SPTSSA: variants seen among roughly 807,000 people sequenced by gnomAD.
The protein encoded by SPTSSA is serine palmitoyltransferase small subunit A.
In SPTSSA, 8 loss-of-function variants were observed where a neutral mutation model predicts 9.1. The ratio of observed to expected loss-of-function variants is 0.88; its 90% CI spans 0.51 to 1.58. The LOEUF (loss-of-function observed/expected upper bound fraction) is 1.58. Among genes scored for constraint, SPTSSA ranks in the 40% most tolerant of loss-of-function variants. The pLI, the probability that SPTSSA is intolerant of heterozygous loss-of-function variation, is 0.00. For synonymous variants in SPTSSA, 42 were observed against 37.7 expected, an observed-to-expected ratio of 1.11 and a Z score of -0.41; for missense variants, 100 against 93.8, an observed-to-expected ratio of 1.07 and a Z score of -0.27.
At chr14:34,441,637 T>C (rs1883317820) in intron 1 of SPTSSA, among the ~76,000 whole-genome samples, 1 of 152,106 alleles carries the variant, frequency 6.6e-6, no homozygotes, top group Admixed American at 6.5e-5. Flanking sequence ...TCTCCTTTTC[T>C]TTTCTGCTCC....
intron 1 of SPTSSA, among the ~76,000 whole-genome samples, chr14:34,438,145 T>TA (rs1594616678): frequency 6.6e-6 from 1 of 152,108 alleles, no homozygotes; most frequent in South Asian, 2.1e-4. Flanking sequence ...TCAATTTTGT[T>TA]ACTTGCGGCT....
intron 1 of SPTSSA, among the ~76,000 whole-genome samples, chr14:34,455,513 A>G (rs1191506014): frequency 6.6e-6 from 1 of 152,228 alleles, no homozygotes; most frequent in Non-Finnish European, 1.5e-5. Context: ...AGACTGTGTC[A>G]CCAACTACCT....
chr14:34,441,943 T>A (rs1883323446), intron 1 of SPTSSA, among the ~76,000 whole-genome samples: 1 of 152,060 alleles, frequency 6.6e-6, no homozygotes, highest in Non-Finnish European at 1.5e-5. Flanking sequence ...TGGCACAATC[T>A]CAGCTCACTG....
rs145073633 is a variant in SPTSSA, at chr14:34,455,001, T to A, written c.112+7095A>T. On this transcript the variant is annotated intron_variant, in intron 1 of 1. Transcript: ENST00000298130. Reference sequence around the variant, plus strand: ...ACTCGTGAGGCTGAGGCAGGAGAATTGCTTGAACCCAGGAGGCGGAGGCTA... The same window carrying A: ...ACTCGTGAGGCTGAGGCAGGAGAATAGCTTGAACCCAGGAGGCGGAGGCTA... Among the ~76,000 whole-genome samples, 415 of 144,542 alleles carry A rather than the reference T, an allele frequency of 2.9e-3. 4 individuals are homozygous for A. Among genetic ancestry groups the A allele is most frequent in the African/African-American group, 0.011 (407 of 38,700 alleles). 94.8% of individuals were successfully genotyped at this position (144,542 alleles called of 152,430 possible). A position where few individuals can be genotyped will look rare whatever the true frequency, so the allele number is the denominator to read the frequency against.
chr14:34,443,550 T>TGTGTGTGTGTGTGTGTGTG (rs1555314418), intron 1 of SPTSSA, among the ~76,000 whole-genome samples: 17 of 91,034 alleles, frequency 1.9e-4, no homozygotes, highest in Admixed American at 3.6e-4. Flanking sequence ...TGTGTGTGTG[T>TGTGTGTGTGTGTGTGTGTG]TTTGAGATGG....
intron 1 of SPTSSA, among the ~76,000 whole-genome samples, chr14:34,459,746 A>C (rs1314556183): frequency 6.6e-6 from 1 of 152,090 alleles, no homozygotes; most frequent in South Asian, 2.1e-4. Flanking sequence ...GCGACATTAC[A>C]CTCCAGCCGG....
chr14:34,437,605 T>C (rs1200464307), intron 1 of SPTSSA, among the ~76,000 whole-genome samples: 1 of 152,166 alleles, frequency 6.6e-6, no homozygotes, highest in African/African-American at 2.4e-5. Context: ...TGCTCTCTCC[T>C]ACAATATGCA....
At chr14:34,456,127 TC>T (rs950833810) in intron 1 of SPTSSA, among the ~76,000 whole-genome samples, 30 of 150,782 alleles carry the variant, frequency 2.0e-4, no homozygotes, top group Admixed American at 9.9e-4. Flanking sequence ...ATCGAGACCA[TC>T]CGGCTAACAT....
intron 1 of SPTSSA, among the ~76,000 whole-genome samples, chr14:34,457,971 G>A (rs77662312): frequency 0.069 from 3,700 of 53,552 alleles, 179 homozygotes; most frequent in African/African-American, 0.2. Flanking sequence ...GACTGTCTCG[G>A]AAAAAAAAAA....
At chr14:34,438,062 C>A (rs933212710) in intron 1 of SPTSSA, among the ~76,000 whole-genome samples, 60 of 152,262 alleles carry the variant, frequency 3.9e-4, no homozygotes, top group African/African-American at 1.2e-3. Flanking sequence ...CTCAGCCCCC[C>A]AAAGTGCTGA....
chr14:34,433,093 G>A lies in SPTSSA; in HGVS notation c.*2108C>T, dbSNP rs1056514459. ...AGACCAGACATTTGCATCAGACAGT[G>A]AGCATAAACTTCTCTGATCACCTCT... On this transcript the variant is annotated 3_prime_UTR_variant, in exon 2 of 2. Coordinates refer to ENST00000298130, the MANE Select transcript of SPTSSA (RefSeq NM_138288.4). 2.6e-5 allele frequency: 4 copies of A among 152,152 alleles called. No individual in the cohort carries two copies. The highest frequency in any genetic ancestry group is 5.9e-5 in the Non-Finnish European group (4 of 68,032). 9.4% of individuals were successfully genotyped at this position (152,152 alleles called of 1,614,324 possible).
chr14:34,450,387 T>C lies in SPTSSA; in HGVS notation c.112+11709A>G, dbSNP rs570420001. Among the ~76,000 whole-genome samples, 20 of 152,282 alleles carry C rather than the reference T, an allele frequency of 1.3e-4. No individual in the cohort carries two copies. In the East Asian group the frequency reaches 3.7e-3, roughly 28 times the overall value. On this transcript the variant is annotated intron_variant, in intron 1 of 1. Transcript: ENST00000298130. ...ACGTTTCAGTACCACCTGTCAATCG[T>C]CCATAAAGCAATCTTCTGTTTCACA...
chr14:34,438,215 C>T (rs1183863202), intron 1 of SPTSSA, among the ~76,000 whole-genome samples: 1 of 152,154 alleles, frequency 6.6e-6, no homozygotes, highest in Non-Finnish European at 1.5e-5. Flanking sequence ...CCCATATTCC[C>T]TCATAACTTA....
In SPTSSA at chr14:34,462,209, C is replaced by G. The variant is rs1026743638; in HGVS notation, c.-2G>C. 2.0e-5 allele frequency: 30 copies of G among 1,524,726 alleles called. No individual in the cohort carries two copies. Among genetic ancestry groups the G allele is most frequent in the Non-Finnish European group, 2.7e-5 (30 of 1,130,682 alleles). The allele number at this position is 1,524,726 out of a possible 1,614,324, so 94.4% of individuals were successfully genotyped here. On this transcript the variant is annotated 5_prime_UTR_variant, in exon 1 of 2. Transcript: ENST00000298130. ...CCGCGCCAGCGCCATCCCCGCCATG[C>G]GCCTCCCGCGATGCAGCTCACACGT...
rs563933213 is a variant in SPTSSA, at chr14:34,440,676, G to A, written c.113-5372C>T. On this transcript the variant is annotated intron_variant, in intron 1 of 1. Coordinates refer to ENST00000298130, the MANE Select transcript of SPTSSA (RefSeq NM_138288.4). ...GCGGGTGGATCACCTGAGGTCGGGAGATCGAGACCAGCCTGGCCAACATGG... is the reference window on the plus strand; with the variant it reads ...GCGGGTGGATCACCTGAGGTCGGGAAATCGAGACCAGCCTGGCCAACATGG... Among the ~76,000 whole-genome samples, 295 of 152,264 alleles carry A rather than the reference G, an allele frequency of 1.9e-3. 3 individuals carry two copies. The highest frequency in any genetic ancestry group is 4.4e-4 in the Non-Finnish European group (30 of 68,014).
intron 1 of SPTSSA, among the ~76,000 whole-genome samples, chr14:34,455,163 G>A (rs1041346273): frequency 1.3e-5 from 2 of 151,810 alleles, no homozygotes; most frequent in Non-Finnish European, 2.9e-5. Flanking sequence ...CGAGGTGGGC[G>A]GATCACGAGG....
At chr14:34,438,953 T>C (rs1338310397) in intron 1 of SPTSSA, among the ~76,000 whole-genome samples, 2 of 152,182 alleles carry the variant, frequency 1.3e-5, no homozygotes, top group Admixed American at 6.5e-5. Context: ...CTTTCCGATC[T>C]AGCCCCAAAT....
chr14:34,452,249 A>T (rs950396615), intron 1 of SPTSSA, among the ~76,000 whole-genome samples: 2 of 87,904 alleles, frequency 2.3e-5, no homozygotes, highest in Non-Finnish European at 4.3e-5. Flanking sequence ...CAATCTCAAA[A>T]AAAAAAAAAA....
intron 1 of SPTSSA, among the ~76,000 whole-genome samples, chr14:34,447,602 C>T (rs897346249): frequency 6.6e-6 from 1 of 152,086 alleles, no homozygotes; most frequent in African/African-American, 2.4e-5. Context: ...CTCATACTCT[C>T]ACCTAAGTAA....
Sources: gnomAD v4.1 joint callset for allele counts (sites outside exome capture counted in the v4.1 genomes callset) on GRCh38, gnomAD v4.1.1 for gene constraint, MANE v1.5 for transcripts, NCBI Gene and HGNC (gene_info 2026-07-23, HGNC 2026-07-21) for gene names.